The following PDE11A variants were observed in gnomAD, a reference collection of about 807,000 sequenced individuals.
The protein encoded by PDE11A is dual 3',5'-cyclic-AMP and -GMP phosphodiesterase 11A.
A neutral mutation model predicts 100.5 loss-of-function variants in PDE11A; 100 were observed. The ratio of observed to expected loss-of-function variants is 1.00; its 90% CI spans 0.85 to 1.18. The LOEUF (loss-of-function observed/expected upper bound fraction) is 1.18. Among genes scored for constraint, PDE11A ranks in the 50% most tolerant of loss-of-function variants. The pLI is 0.00. For synonymous variants in PDE11A, 381 were observed against 420.8 expected, an observed-to-expected ratio of 0.91 and a Z score of 1.16; for missense variants, 1,141 against 1,152.6, an observed-to-expected ratio of 0.99 and a Z score of 0.15.
At chr2:177,773,795 G>A (rs2082343965) in intron 9 of PDE11A, among the ~76,000 whole-genome samples, 1 of 152,124 alleles carries the variant, frequency 6.6e-6, no homozygotes, top group Admixed American at 6.5e-5. Flanking sequence ...AGGAATCATC[G>A]GCTAATAGGA....
At chr2:177,992,231 A>C (rs1368151413) in intron 2 of PDE11A, among the ~76,000 whole-genome samples, 3 of 151,436 alleles carry the variant, frequency 2.0e-5, no homozygotes, top group African/African-American at 7.3e-5. Context: ...ACCACCAAAC[A>C]GGATTCATCT....
intron 2 of PDE11A, among the ~76,000 whole-genome samples, chr2:177,912,587 A>G (rs2084898446): frequency 6.6e-6 from 1 of 152,088 alleles, no homozygotes; most frequent in Non-Finnish European, 1.5e-5. Flanking sequence ...GCAGTTTTTA[A>G]TTCCCACCCT....
intron 5 of PDE11A, among the ~76,000 whole-genome samples, chr2:177,843,734 G>T (rs2083529017): frequency 6.6e-6 from 1 of 152,180 alleles, no homozygotes; most frequent in South Asian, 2.1e-4. Flanking sequence ...CAGGGAGTTT[G>T]CTACTTAACT....
At chr2:177,788,276 T>C (rs1366049002) in intron 9 of PDE11A, among the ~76,000 whole-genome samples, 4 of 146,536 alleles carry the variant, frequency 2.7e-5, no homozygotes, top group South Asian at 2.3e-4. Flanking sequence ...AACAACCTGC[T>C]CCTGAATGAC....
chr2:177,791,497 C>G (rs2082631915), intron 9 of PDE11A, among the ~76,000 whole-genome samples: 1 of 149,404 alleles, frequency 6.7e-6, no homozygotes, highest in Non-Finnish European at 1.5e-5. Flanking sequence ...TGTAACTAAC[C>G]TGCAGATTGT....
intron 13 of PDE11A, among the ~76,000 whole-genome samples, chr2:177,704,289 CAA>C (rs1309811167): frequency 2.6e-5 from 4 of 152,160 alleles, no homozygotes; most frequent in Non-Finnish European, 5.9e-5. Flanking sequence ...TTTCTGCAAA[CAA>C]GGTGCCATCT....
At chr2:177,914,625 C>T (rs997484213) in intron 2 of PDE11A, among the ~76,000 whole-genome samples, 3 of 152,124 alleles carry the variant, frequency 2.0e-5, no homozygotes, top group African/African-American at 7.2e-5. Context: ...TTACCCAGCA[C>T]AGGTATAAAT....
At chr2:177,962,056 C>CAAAAAAAAA (rs34148492) in intron 2 of PDE11A, among the ~76,000 whole-genome samples, 3 of 66,348 alleles carry the variant, frequency 4.5e-5, no homozygotes, top group African/African-American at 1.2e-4. Flanking sequence ...GACACTGTCT[C>CAAAAAAAAA]AAAAAAAAAA....
chr2:177,970,800 G>A (rs2085759420), intron 2 of PDE11A, among the ~76,000 whole-genome samples: 1 of 152,188 alleles, frequency 6.6e-6, no homozygotes, highest in Non-Finnish European at 1.5e-5. Context: ...GGTAAAAGAA[G>A]TGAATCACGG....
chr2:178,101,747 T>C (rs1353815467), intron 2 of PDE11A, among the ~76,000 whole-genome samples: 1 of 152,114 alleles, frequency 6.6e-6, no homozygotes, highest in Non-Finnish European at 1.5e-5. Context: ...TAGAGGTTCC[T>C]TGCCAGGAAC....
chr2:177,786,101 C>G (rs1445239389), intron 9 of PDE11A, among the ~76,000 whole-genome samples: 12 of 152,302 alleles, frequency 7.9e-5, no homozygotes, highest in Non-Finnish European at 1.6e-4. Flanking sequence ...GGGTCCCTGA[C>G]CCCTGACCCC....
intron 4 of PDE11A, among the ~76,000 whole-genome samples, chr2:177,887,284 A>G (rs2084451118): frequency 6.6e-6 from 1 of 152,232 alleles, no homozygotes; most frequent in Non-Finnish European, 1.5e-5. Flanking sequence ...AACAACCTAC[A>G]TAATTGGACA....
intron 6 of PDE11A, among the ~76,000 whole-genome samples, chr2:177,836,480 C>T (rs1408633802): frequency 6.6e-6 from 1 of 152,226 alleles, no homozygotes; most frequent in Non-Finnish European, 1.5e-5. Context: ...AATCAGCTCC[C>T]TGTAAAACAG....
At chr2:177,778,936 T>TA (rs1171368317) in intron 9 of PDE11A, among the ~76,000 whole-genome samples, 1 of 148,332 alleles carries the variant, frequency 6.7e-6, no homozygotes, top group Non-Finnish European at 1.5e-5. Flanking sequence ...AAAATATTTT[T>TA]AAAAAATCTA....
chr2:177,971,826 A>T (rs568179735), intron 2 of PDE11A, among the ~76,000 whole-genome samples: 1 of 152,304 alleles, frequency 6.6e-6, no homozygotes, highest in East Asian at 1.9e-4. Flanking sequence ...AGACAATTCA[A>T]AAAGAAAATT....
At chr2:177,866,407 C>G (rs183725088) in intron 5 of PDE11A, among the ~76,000 whole-genome samples, 1 of 152,336 alleles carries the variant, frequency 6.6e-6, no homozygotes, top group Admixed American at 6.5e-5. Context: ...ACCAAAGACT[C>G]TTTATATTCA....
intron 2 of PDE11A, among the ~76,000 whole-genome samples, chr2:177,996,237 A>G (rs2086073096): frequency 6.6e-6 from 1 of 151,970 alleles, no homozygotes; most frequent in African/African-American, 2.4e-5. Context: ...CAAATAAAAA[A>G]AAAAAAAGAA....
intron 12 of PDE11A, among the ~76,000 whole-genome samples, chr2:177,712,247 T>G (rs915889672): frequency 6.6e-6 from 1 of 152,052 alleles, no homozygotes; most frequent in South Asian, 2.1e-4. Flanking sequence ...AGGTTGGAGG[T>G]TGGGGAATAG....
chr2:177,860,266 A>G (rs972921857), intron 5 of PDE11A, among the ~76,000 whole-genome samples: 5 of 151,798 alleles, frequency 3.3e-5, no homozygotes, highest in African/African-American at 1.2e-4. Context: ...ATAAGAAACG[A>G]AAGAGGGGCT....
Sources: gnomAD v4.1 joint callset for allele counts (sites outside exome capture counted in the v4.1 genomes callset) on GRCh38, gnomAD v4.1.1 for gene constraint, MANE v1.5 for transcripts, NCBI Gene and HGNC (gene_info 2026-07-23, HGNC 2026-07-21) for gene names.